The following SPEN variants were observed in gnomAD, a reference collection of about 807,000 sequenced individuals.
SPEN encodes the protein msx2-interacting protein.
Under a neutral mutation model 269.9 loss-of-function variants are expected in SPEN, and 18 were observed. The ratio of observed to expected loss-of-function variants is 0.07; its 90% CI spans 0.05 to 0.10. The LOEUF (loss-of-function observed/expected upper bound fraction) is 0.10. SPEN is among the 10% of genes least tolerant of loss of function. SPEN has a pLI of 1.00. For synonymous variants in SPEN, 1,726 were observed against 1,765.7 expected, an observed-to-expected ratio of 0.98 and a Z score of 0.56; for missense variants, 3,822 against 4,631.2, an observed-to-expected ratio of 0.83 and a Z score of 5.07.
At position 15,876,648 on chromosome 1, in the gene SPEN, TCAG is replaced by T; in HGVS notation, c.861_863del (p.Ser289del). The T allele has an allele frequency of 6.2e-7, 1 of 1,613,412 alleles. No individual in the cohort carries two copies. Among genetic ancestry groups the T allele is most frequent in the Non-Finnish European group, 8.5e-7 (1 of 1,179,890 alleles). On this transcript the variant is annotated inframe_deletion, in exon 3 of 15. Coordinates refer to ENST00000375759, the MANE Select transcript of SPEN (RefSeq NM_015001.3). ...AGTAGATCCTCCAGTAGTGATTCAATCAGCAGCAGCAGTAGTACCAGCAGTGAC... is the reference window on the plus strand; with the variant it reads ...AGTAGATCCTCCAGTAGTGATTCAATCAGCAGCAGTAGTACCAGCAGTGAC...
Position 15,939,553 on chromosome 1 carries a change from T to C in SPEN, c.*126T>C. Reference sequence around the variant, plus strand: ...GACTCCACTGCCAGACGGCCAGCCGTTTGCTGTCCTGCCGCCCGGCTCAGT... The same window carrying C: ...GACTCCACTGCCAGACGGCCAGCCGCTTGCTGTCCTGCCGCCCGGCTCAGT... On this transcript the variant is annotated 3_prime_UTR_variant, in exon 15 of 15. Coordinates refer to ENST00000375759, the MANE Select transcript of SPEN (RefSeq NM_015001.3). The surrounding 1 kb of genome is among the most constrained non-coding windows in gnomAD (Gnocchi z 4.1). 1 of 1,229,916 alleles carries C rather than the reference T, an allele frequency of 8.1e-7. No individual in the cohort carries two copies. Among genetic ancestry groups the C allele is most frequent in the Non-Finnish European group, 1.1e-6 (1 of 915,244 alleles). The allele number at this position is 1,229,916 out of a possible 1,614,324, so 76.2% of individuals were successfully genotyped here.
At chr1:15,910,332 C>A (rs1423285419) in intron 4 of SPEN, among the ~76,000 whole-genome samples, 6 of 151,994 alleles carry the variant, frequency 3.9e-5, no homozygotes, top group South Asian at 2.1e-4. Flanking sequence ...TAACACAAGA[C>A]CCCCAGATGG....
chr1:15,915,881 TAAAC>T (rs995239922), intron 5 of SPEN, among the ~76,000 whole-genome samples: 2 of 151,950 alleles, frequency 1.3e-5, no homozygotes, highest in East Asian at 3.9e-4. Flanking sequence ...TTTTAAAGGT[TAAAC>T]AAAGTGTTAC....
At chr1:15,936,591 T>C (rs2071277600) in intron 11 of SPEN, among the ~76,000 whole-genome samples, 1 of 148,606 alleles carries the variant, frequency 6.7e-6, no homozygotes. Context: ...AGAGGTTGCA[T>C]TGAACCAAGG....
chr1:15,880,676 C>T lies in SPEN; in HGVS notation c.881+3998C>T, dbSNP rs191106429. Reference sequence around the variant, plus strand: ...TTCACTACATTGGCTAGGCTGGTCTCGAACTCCTGACCTCAAGTGATCCAC... The same window carrying T: ...TTCACTACATTGGCTAGGCTGGTCTTGAACTCCTGACCTCAAGTGATCCAC... On this transcript the variant is annotated intron_variant, in intron 3 of 14. Transcript: ENST00000375759. Among the ~76,000 whole-genome samples the T allele has an allele frequency of 3.1e-3, 473 of 152,010 alleles. 1 individual carries two copies. The highest frequency in any genetic ancestry group is 0.011 in the African/African-American group (454 of 41,472).
chr1:15,934,569 G>C lies in SPEN; in HGVS notation c.8329G>C (p.Ala2777Pro), dbSNP rs1260036155. ...GCCGTCAACAAAGTGCAAACAGAGA[G>C]CGAGTGCTAATGAAAACAGTCGGTT... Reference protein sequence around the residue: ...IAPSTKCKQRASANENSRFHP... With the variant: ...IAPSTKCKQRPSANENSRFHP... Residue 2777 changes from alanine (A) to proline (P), a missense_variant, in exon 11 of 15, where the codon GCG becomes CCG. Around this residue, in one of 16 missense-constraint regions of SPEN, gnomAD observed 329 missense variants for 431.2 expected, o/e 0.76. Transcript: ENST00000375759. The surrounding 1 kb of genome is among the most constrained non-coding windows in gnomAD (Gnocchi z 9.2). 5.6e-6 allele frequency: 9 copies of C among 1,614,138 alleles called. No homozygotes were observed. The highest frequency in any genetic ancestry group is 6.8e-6 in the Non-Finnish European group (8 of 1,180,038).
chr1:15,888,040 A>C (rs1296558119), intron 3 of SPEN, among the ~76,000 whole-genome samples: 1 of 151,906 alleles, frequency 6.6e-6, no homozygotes, highest in African/African-American at 2.4e-5. Context: ...TAAAAACCCC[A>C]AAATTAAAAA....
intron 2 of SPEN, among the ~76,000 whole-genome samples, 175 bp from the exon 3 acceptor site, chr1:15,876,027 T>G (rs2070627199): frequency 6.6e-6 from 1 of 152,192 alleles, no homozygotes; most frequent in Non-Finnish European, 1.5e-5. Flanking sequence ...AAATAATTTT[T>G]GGAGTCAAGT....
chr1:15,888,481 G>A (rs556065075), intron 3 of SPEN, among the ~76,000 whole-genome samples: 78 of 151,734 alleles, frequency 5.1e-4, no homozygotes, highest in African/African-American at 1.3e-3. Flanking sequence ...ACGTCACCAC[G>A]CCTGGCTAAT....
Position 15,930,070 on chromosome 1 carries a change from G to C in SPEN, c.3830G>C (p.Gly1277Ala), listed in dbSNP as rs746943059. 5.6e-6 allele frequency: 9 copies of C among 1,614,052 alleles called. No homozygotes were observed. The highest frequency in any genetic ancestry group is 2.7e-5 in the African/African-American group (2 of 74,926). ...TTCCATGAAGATGAGGATCCCATAG[G>C]CTCCCCTAGGCTACTGTCAGTAAAA... is the stretch of plus-strand genomic sequence containing the variant. ...GSFHEDEDPIGSPRLLSVKGS... is the reference protein window; with the variant it reads ...GSFHEDEDPIASPRLLSVKGS... Residue 1277 changes from glycine (G) to alanine (A), a missense_variant, in exon 11 of 15, where the codon GGC becomes GCC. By Grantham distance (60) the Gly-to-Ala change is moderately conservative (BLOSUM62 0). Coordinates refer to ENST00000375759, the MANE Select transcript of SPEN (RefSeq NM_015001.3). This position sits in a 1 kb window ranked among gnomAD's most constrained non-coding sequence, Gnocchi z 5.3.
chr1:15,895,678 CTTTTTT>C (rs746305617), intron 3 of SPEN, among the ~76,000 whole-genome samples: 1 of 129,690 alleles, frequency 7.7e-6, no homozygotes, highest in Non-Finnish European at 1.6e-5. Flanking sequence ...TATACTTAAC[CTTTTTT>C]TTTTTTTTTT....
chr1:15,883,532 C>T (rs1355566104), intron 3 of SPEN, among the ~76,000 whole-genome samples: 4 of 151,234 alleles, frequency 2.6e-5, no homozygotes, highest in Non-Finnish European at 4.4e-5. Flanking sequence ...GCAACTCTCA[C>T]GCCTCAGCCT....
chr1:15,893,385 A>T (rs2070808515), intron 3 of SPEN, among the ~76,000 whole-genome samples: 2 of 152,102 alleles, frequency 1.3e-5, no homozygotes, highest in South Asian at 4.1e-4. Flanking sequence ...TGGTGTGTGG[A>T]GCCATCTTGG....
At chr1:15,924,209 A>G (rs574445778) in intron 10 of SPEN, among the ~76,000 whole-genome samples, 39 of 152,326 alleles carry the variant, frequency 2.6e-4, no homozygotes, top group African/African-American at 9.4e-4. Flanking sequence ...GTCTCATGTC[A>G]AGAGAGAAAA....
chr1:15,936,206 C>T lies in SPEN; in HGVS notation c.9966C>T (p.His3322=). Residue 3322 remains histidine, a synonymous_variant, in exon 11 of 15, where the codon CAC becomes CAT. Coordinates refer to ENST00000375759, the MANE Select transcript of SPEN (RefSeq NM_015001.3). ...RTYHPPAQLT[H]TQFPAASSVG... is the part of the protein sequence containing the mutation. ...ACCACCCCCCGGCCCAGCTCACACA[C>T]ACTCAGTTTCCCGCCGCTTCCTCTG... The T allele has an allele frequency of 6.4e-7, 1 of 1,573,978 alleles. No individual in the cohort carries two copies. Among genetic ancestry groups the T allele is most frequent in the South Asian group, 1.2e-5 (1 of 86,128 alleles).
At chr1:15,852,526 G>A (rs2148701021) in intron 1 of SPEN, among the ~76,000 whole-genome samples, 1 of 152,028 alleles carries the variant, frequency 6.6e-6, no homozygotes, top group African/African-American at 2.4e-5. Context: ...TTCCCAAAAG[G>A]AACGCCCCTG....
Position 15,909,392 on chromosome 1 carries a change from C to T in SPEN, c.953C>T (p.Pro318Leu). The change falls in exon 4 of 15, where the codon CCC becomes CTC. Residue 318 changes from proline (P) to leucine (L), a missense_variant. By Grantham distance (98) the Pro-to-Leu change is moderately conservative. This residue lies in a region of SPEN where 327 missense variants were observed against 350.8 expected (regional missense o/e 0.93). Coordinates refer to ENST00000375759, the MANE Select transcript of SPEN (RefSeq NM_015001.3). ...RSVQSAAVPA[P>L]TSQLLSSLEK... ...GTTCAGTCTGCAGCAGTCCCTGCAC[C>T]CACTTCCCAGTTGCTTTCATCTCTG... The T allele has an allele frequency of 6.2e-7, 1 of 1,614,156 alleles. No individual in the cohort carries two copies. Among genetic ancestry groups the T allele is most frequent in the South Asian group, 1.1e-5 (1 of 91,076 alleles).
chr1:15,911,628 C>T (rs796819039), intron 5 of SPEN, among the ~76,000 whole-genome samples: 1 of 152,104 alleles, frequency 6.6e-6, no homozygotes, highest in Non-Finnish European at 1.5e-5. Flanking sequence ...GGAGGTAGCT[C>T]CTAGGAGTGT....
At chr1:15,866,917 T>C (rs1425383835) in intron 1 of SPEN, among the ~76,000 whole-genome samples, 1 of 152,202 alleles carries the variant, frequency 6.6e-6, no homozygotes, top group African/African-American at 2.4e-5. Context: ...CTAAAGGAGA[T>C]ATAAAATCTT....
Sources: allele counts gnomAD v4.1 joint callset (sites outside exome capture counted in the v4.1 genomes callset), GRCh38; gene constraint gnomAD v4.1.1; regional missense constraint gnomAD v4.1.1; non-coding constraint Gnocchi (gnomAD v3.1); transcripts MANE v1.5; gene names NCBI Gene and HGNC (gene_info 2026-07-23, HGNC 2026-07-21).